The following KCND2 variants were observed in gnomAD, a reference collection of about 807,000 sequenced individuals.
KCND2 encodes potassium voltage-gated channel subfamily D member 2.
Under a neutral mutation model 54.4 loss-of-function variants are expected in KCND2, and 16 were observed. That is an observed-to-expected ratio of 0.29 (90% CI 0.20 to 0.45). KCND2 has a LOEUF of 0.45. KCND2 is among the 20% of genes least tolerant of loss of function. The pLI, the probability that KCND2 is intolerant of heterozygous loss-of-function variation, is 1.00. For synonymous variants in KCND2, 317 were observed against 310.7 expected, an observed-to-expected ratio of 1.02 and a Z score of -0.21; for missense variants, 486 against 824.2, an observed-to-expected ratio of 0.59 and a Z score of 5.02.
At chr7:120,654,430 A>G (rs1050487639) in intron 1 of KCND2, among the ~76,000 whole-genome samples, 1 of 152,208 alleles carries the variant, frequency 6.6e-6, no homozygotes, top group Non-Finnish European at 1.5e-5. Context: ...ATCAATCACA[A>G]TTAATTATTT....
intron 2 of KCND2, among the ~76,000 whole-genome samples, chr7:120,736,765 A>ACTC (rs1792876339): frequency 6.6e-6 from 1 of 151,926 alleles, no homozygotes; most frequent in African/African-American, 2.4e-5. Context: ...TTTCCATTTT[A>ACTC]CAGATAACTT....
At chr7:120,522,971 A>G (rs1791718192) in intron 1 of KCND2, among the ~76,000 whole-genome samples, 1 of 152,182 alleles carries the variant, frequency 6.6e-6, no homozygotes, top group Non-Finnish European at 1.5e-5. Context: ...CTCAATTTGT[A>G]GTATTTTTTA....
At chr7:120,562,489 A>G (rs1434895768) in intron 1 of KCND2, among the ~76,000 whole-genome samples, 2 of 152,196 alleles carry the variant, frequency 1.3e-5, no homozygotes, top group Admixed American at 6.5e-5. Context: ...GTCAGGAGTT[A>G]GTGACAAGAT....
intron 1 of KCND2, among the ~76,000 whole-genome samples, chr7:120,421,529 T>TA (rs1475209628): frequency 6.6e-6 from 1 of 152,186 alleles, no homozygotes; most frequent in Non-Finnish European, 1.5e-5. Flanking sequence ...AGTGTGAAAG[T>TA]GTTTTTAAAC....
At chr7:120,659,976 C>T (rs766572288) in intron 1 of KCND2, among the ~76,000 whole-genome samples, 4 of 152,090 alleles carry the variant, frequency 2.6e-5, no homozygotes, top group African/African-American at 7.2e-5. Context: ...CTAGTTGCTG[C>T]AGAGACCGGT....
chr7:120,277,705 C>T (rs556766143), intron 1 of KCND2, among the ~76,000 whole-genome samples: 1 of 151,758 alleles, frequency 6.6e-6, no homozygotes, highest in Non-Finnish European at 1.5e-5. Flanking sequence ...AATGACTTTC[C>T]AATTTTTATT....
At chr7:120,628,206 T>C (rs1181087040) in intron 1 of KCND2, among the ~76,000 whole-genome samples, 2 of 152,116 alleles carry the variant, frequency 1.3e-5, no homozygotes, top group Non-Finnish European at 2.9e-5. Flanking sequence ...AAGCGAACAC[T>C]CAAATAACTT....
chr7:120,659,865 G>T (rs1334297177), intron 1 of KCND2, among the ~76,000 whole-genome samples: 1 of 152,138 alleles, frequency 6.6e-6, no homozygotes, highest in African/African-American at 2.4e-5. Flanking sequence ...AGTTGAAAAA[G>T]AAATAGACAT....
intron 1 of KCND2, among the ~76,000 whole-genome samples, chr7:120,429,523 G>T (rs1164145848): frequency 1.4e-5 from 2 of 145,838 alleles, no homozygotes; most frequent in Non-Finnish European, 3.0e-5. Flanking sequence ...GGGAGAGGGG[G>T]TTGGAGAGGG....
chr7:120,510,775 T>C (rs1248627267), intron 1 of KCND2, among the ~76,000 whole-genome samples: 1 of 151,958 alleles, frequency 6.6e-6, no homozygotes, highest in Non-Finnish European at 1.5e-5. Flanking sequence ...AATTTAGCCT[T>C]CCTAATCAGT....
In KCND2 at chr7:120,677,552, T is replaced by TGG. The variant is rs1562906445; in HGVS notation, c.1116-55351_1116-55350insGG. Among the ~76,000 whole-genome samples the TGG allele has an allele frequency of 1.2e-4, 16 of 137,896 alleles. No individual in the cohort carries two copies. The East Asian group carries it at 3.2e-3, about 27-fold the overall frequency. The allele number at this position is 137,896 out of a possible 152,430, so 90.5% of individuals were successfully genotyped here. A position where few individuals can be genotyped will look rare whatever the true frequency, so the allele number is the denominator to read the frequency against. On this transcript the variant is annotated intron_variant, in intron 1 of 5. Coordinates refer to ENST00000331113, the MANE Select transcript of KCND2 (RefSeq NM_012281.3). The stretch of plus-strand genomic sequence containing the variant: ...ATAGATATAGATATAGATATAGATA[T>TGG]ATAGATATATAGATATATAGATATA...
chr7:120,275,808 A>G, intron 1 of KCND2, 61 bp downstream of exon 1: 1 of 1,547,402 alleles, frequency 6.5e-7, no homozygotes, highest in Non-Finnish European at 8.8e-7. Flanking sequence ...TTGTGGACCC[A>G]TCGAGGTTAC....
chr7:120,294,141 G>T (rs1799475588), intron 1 of KCND2, among the ~76,000 whole-genome samples: 1 of 151,946 alleles, frequency 6.6e-6, no homozygotes, highest in East Asian at 1.9e-4. Context: ...GATCATGGAG[G>T]CTTGTTTATT....
chr7:120,609,535 A>G (rs866614513), intron 1 of KCND2, among the ~76,000 whole-genome samples: 2 of 152,296 alleles, frequency 1.3e-5, no homozygotes. Flanking sequence ...CGTAATTGCT[A>G]TGCTGCAAAA....
intron 1 of KCND2, among the ~76,000 whole-genome samples, chr7:120,421,327 T>C (rs1241602159): frequency 2.0e-5 from 3 of 152,204 alleles, no homozygotes. Flanking sequence ...ACTGTGGCTC[T>C]GAAAGGTCAG....
chr7:120,412,590 C>T (rs1192756787), intron 1 of KCND2, among the ~76,000 whole-genome samples: 1 of 151,964 alleles, frequency 6.6e-6, no homozygotes, highest in Non-Finnish European at 1.5e-5. Flanking sequence ...TTCCTTTCAG[C>T]CTGAAAATAA....
intron 1 of KCND2, among the ~76,000 whole-genome samples, chr7:120,496,902 C>T (rs1455977120): frequency 6.6e-6 from 1 of 152,152 alleles, no homozygotes; most frequent in Admixed American, 6.5e-5. Context: ...TATACTCATG[C>T]TGTACTACCT....
At position 120,748,714 on chromosome 7, in the gene KCND2, A is replaced by G. The variant is rs1257706613; in HGVS notation, c.*856A>G. 1 of 152,290 alleles carries G rather than the reference A, an allele frequency of 6.6e-6. No individual in the cohort carries two copies. Among genetic ancestry groups the G allele is most frequent in the East Asian group, 1.9e-4 (1 of 5,194 alleles). 9.4% of individuals were successfully genotyped at this position (152,290 alleles called of 1,614,324 possible). ...TCGTAGAAAAACTTCTGGTGTGGCCAGGTTTTAGGTAACTTTTTAATCCAA... is the reference window on the plus strand; with the variant it reads ...TCGTAGAAAAACTTCTGGTGTGGCCGGGTTTTAGGTAACTTTTTAATCCAA... On this transcript the variant is annotated 3_prime_UTR_variant, in exon 6 of 6. Transcript: ENST00000331113.
In KCND2 at chr7:120,273,329, G is replaced by A. The variant is rs372621869; in HGVS notation, c.-1304G>A. ...AGCCCTCCCGCGCCCCCGCGCTGCCGAGCGCCTTCTGCCTCCGCGCTCGGA... is the reference window on the plus strand; with the variant it reads ...AGCCCTCCCGCGCCCCCGCGCTGCCAAGCGCCTTCTGCCTCCGCGCTCGGA... On this transcript the variant is annotated 5_prime_UTR_variant, in exon 1 of 6. Transcript: ENST00000331113. 4.9e-4 allele frequency among the ~76,000 whole-genome samples: 74 copies of A among 150,426 alleles called. 2 individuals are homozygous for A. The East Asian group carries it at 8.5e-3, about 17-fold the overall frequency.
Sources: allele counts gnomAD v4.1 joint callset (sites outside exome capture counted in the v4.1 genomes callset), GRCh38; gene constraint gnomAD v4.1.1; transcripts MANE v1.5; gene names NCBI Gene and HGNC (gene_info 2026-07-23, HGNC 2026-07-21).